PPM1E: variants seen among roughly 807,000 people sequenced by gnomAD.
PPM1E encodes the protein protein phosphatase 1E.
PPM1E carries 20 observed loss-of-function variants against 65.9 expected under a neutral mutation model. The observed-to-expected ratio is 0.30, with a 90% CI of 0.21 to 0.44. PPM1E has a LOEUF of 0.44. Among genes scored for constraint, PPM1E ranks in the 20% least tolerant of loss-of-function variants. The pLI is 1.00. For synonymous variants in PPM1E, 352 were observed against 374.9 expected (o/e 0.94, Z 0.70); for missense variants, 713 against 953.1 (o/e 0.75, Z 3.32).
At chr17:58,811,882 G>T (rs2050371806) in intron 1 of PPM1E, among the ~76,000 whole-genome samples, 1 of 152,004 alleles carries the variant, frequency 6.6e-6, no homozygotes, top group Admixed American at 6.6e-5. Flanking sequence ...TGTTGATCAG[G>T]ATGGTCTCGA....
At chr17:58,937,540 T>G (rs1393361007) in intron 1 of PPM1E, among the ~76,000 whole-genome samples, 25 of 144,286 alleles carry the variant, frequency 1.7e-4, no homozygotes, top group Admixed American at 5.5e-4. Flanking sequence ...GGGATTACAG[T>G]CGTGAGCCAC....
chr17:58,932,991 T>C (rs2143574828), intron 1 of PPM1E, among the ~76,000 whole-genome samples: 1 of 152,324 alleles, frequency 6.6e-6, no homozygotes, highest in Admixed American at 6.5e-5. Flanking sequence ...ACTTACACTG[T>C]GTTAAAACTG....
At chr17:58,832,933 C>T (rs1676878380) in intron 1 of PPM1E, among the ~76,000 whole-genome samples, 1 of 152,090 alleles carries the variant, frequency 6.6e-6, no homozygotes, top group Admixed American at 6.6e-5. Context: ...CTTCCTCAGC[C>T]ATCTGAGCAG....
Position 58,774,747 on chromosome 17 carries a change from ATG to A in PPM1E, c.464+18289_464+18290del, listed in dbSNP as rs1365793712. On this transcript the variant is annotated intron_variant, in intron 1 of 6. Coordinates refer to ENST00000308249, the MANE Select transcript of PPM1E (RefSeq NM_014906.5). ...ATGTTTTATCTGTGATTTTTTAAAA[ATG>A]TGAAATTGTTGTTAGAATACCATTT... is the stretch of plus-strand genomic sequence containing the variant. 9.2e-5 allele frequency among the ~76,000 whole-genome samples: 14 copies of A among 152,288 alleles called. No homozygotes were observed. The South Asian group carries it at 1.7e-3, about 18-fold the overall frequency.
intron 1 of PPM1E, among the ~76,000 whole-genome samples, chr17:58,759,713 A>T (rs1273882395): frequency 1.3e-5 from 2 of 152,250 alleles, no homozygotes; most frequent in African/African-American, 4.8e-5. Flanking sequence ...CAATATCCCA[A>T]GAGTCTGGCA....
At chr17:58,900,225 T>G (rs1695356477) in intron 1 of PPM1E, among the ~76,000 whole-genome samples, 1 of 152,154 alleles carries the variant, frequency 6.6e-6, no homozygotes, top group Non-Finnish European at 1.5e-5. Flanking sequence ...TTGAAAGAAG[T>G]TCTACTGTGG....
intron 1 of PPM1E, among the ~76,000 whole-genome samples, chr17:58,949,449 GTTTGC>G (rs1292295482): frequency 6.6e-6 from 1 of 151,912 alleles, no homozygotes; most frequent in African/African-American, 2.4e-5. Context: ...GTTTTTGTTT[GTTTGC>G]TTTGTTGTTG....
At chr17:58,894,858 A>G (rs556944381) in intron 1 of PPM1E, among the ~76,000 whole-genome samples, 2 of 152,244 alleles carry the variant, frequency 1.3e-5, no homozygotes, top group East Asian at 1.9e-4. Flanking sequence ...ATTCATTTCA[A>G]CTGTTCTGGA....
At chr17:58,758,411 CCA>C (rs1427583948) in intron 1 of PPM1E, among the ~76,000 whole-genome samples, 3 of 151,740 alleles carry the variant, frequency 2.0e-5, no homozygotes, top group Non-Finnish European at 2.9e-5. Flanking sequence ...GCCTGTAATC[CCA>C]GATACTCAGG....
chr17:58,796,603 C>T (rs1312388829), intron 1 of PPM1E, among the ~76,000 whole-genome samples: 1 of 132,652 alleles, frequency 7.5e-6, no homozygotes, highest in African/African-American at 3.0e-5. Context: ...TGACCTTTAT[C>T]TTTTAATTAA....
intron 1 of PPM1E, among the ~76,000 whole-genome samples, chr17:58,770,084 T>A (rs1157468859): frequency 6.6e-6 from 1 of 152,052 alleles, no homozygotes; most frequent in Non-Finnish European, 1.5e-5. Flanking sequence ...TAAAACATTA[T>A]CACTTGTATT....
intron 1 of PPM1E, among the ~76,000 whole-genome samples, chr17:58,917,122 A>G (rs1175627089): frequency 6.6e-6 from 1 of 152,020 alleles, no homozygotes; most frequent in Non-Finnish European, 1.5e-5. Flanking sequence ...AGGCATGATA[A>G]TCACTTGAAC....
intron 1 of PPM1E, among the ~76,000 whole-genome samples, chr17:58,953,935 G>A (rs757081777): frequency 2.0e-5 from 3 of 152,042 alleles, no homozygotes; most frequent in Non-Finnish European, 2.9e-5. Context: ...TAGTAGAGAC[G>A]GGGTTTCACC....
chr17:58,892,740 A>G lies in PPM1E; in HGVS notation c.465-62909A>G, dbSNP rs79834133. Among the ~76,000 whole-genome samples the G allele has an allele frequency of 1.3e-3, 204 of 152,354 alleles. 7 individuals are homozygous for G. In the East Asian group the frequency reaches 0.036, roughly 27 times the overall value. ...CCAAAATATACAAAGAACTCTTAAA[A>G]CAATAAGAAAATGGACAACCCAATT... is the stretch of plus-strand genomic sequence containing the variant. On this transcript the variant is annotated intron_variant, in intron 1 of 6. Transcript: ENST00000308249.
chr17:58,806,982 G>T (rs2050322531), intron 1 of PPM1E, among the ~76,000 whole-genome samples: 1 of 152,000 alleles, frequency 6.6e-6, no homozygotes, highest in African/African-American at 2.4e-5. Flanking sequence ...GGGATTCCAG[G>T]TGTGAGCCAC....
Position 58,969,607 on chromosome 17 carries a change from C to T in PPM1E, c.852C>T (p.Ala284=). Residue 284 remains alanine, a synonymous_variant, in exon 4 of 7, where the codon GCC becomes GCT. Coordinates refer to ENST00000308249, the MANE Select transcript of PPM1E (RefSeq NM_014906.5). ...GGGGAGTAGATGCTGCTATTTATGC[C>T]TCCATTCACCTCCACGTTAACTTAG... The part of the protein sequence containing the change: ...GHGGVDAAIY[A]SIHLHVNLVR... The T allele has an allele frequency of 6.2e-7, 1 of 1,614,096 alleles. No homozygotes were observed. The highest frequency in any genetic ancestry group is 8.5e-7 in the Non-Finnish European group (1 of 1,180,002).
At chr17:58,913,967 G>A (rs1048429623) in intron 1 of PPM1E, among the ~76,000 whole-genome samples, 1 of 152,154 alleles carries the variant, frequency 6.6e-6, no homozygotes, top group Non-Finnish European at 1.5e-5. Flanking sequence ...CCTGAGCAAG[G>A]AGAGTGTTAT....
Position 58,980,767 on chromosome 17 carries a change from T to C in PPM1E, c.2004T>C (p.Ser668=). ...CGGGAAACAGAGTTTCTAGATTGTC[T>C]CATTTACGCCACCACTACTCAAAGA... ...KSPGNRVSRL[S]HLRHHYSKKW... The change falls in exon 7 of 7, where the codon TCT becomes TCC. Residue 668 remains serine, a synonymous_variant. Coordinates refer to ENST00000308249, the MANE Select transcript of PPM1E (RefSeq NM_014906.5). The surrounding 1 kb of genome is among the most constrained non-coding windows in gnomAD (Gnocchi z 4.7). The C allele has an allele frequency of 6.2e-7, 1 of 1,614,186 alleles. No individual in the cohort carries two copies. Among genetic ancestry groups the C allele is most frequent in the Non-Finnish European group, 8.5e-7 (1 of 1,180,020 alleles).
intron 1 of PPM1E, among the ~76,000 whole-genome samples, chr17:58,894,747 G>GT (rs559601765): frequency 7.3e-5 from 11 of 151,572 alleles, no homozygotes; most frequent in Admixed American, 2.6e-4. Context: ...ATTGTTTAAT[G>GT]TTTTTTTAAT....
Sources: allele counts gnomAD v4.1 joint callset (sites outside exome capture counted in the v4.1 genomes callset), GRCh38; gene constraint gnomAD v4.1.1; non-coding constraint Gnocchi (gnomAD v3.1); transcripts MANE v1.5; gene names NCBI Gene and HGNC (gene_info 2026-07-23, HGNC 2026-07-21).